The following APBA2 variants were observed in gnomAD, a reference collection of about 807,000 sequenced individuals.
APBA2 encodes the protein amyloid-beta A4 precursor protein-binding family A member 2.
In APBA2, 30 loss-of-function variants were observed where a neutral mutation model predicts 75.0. The ratio of observed to expected loss-of-function variants is 0.40; its 90% CI spans 0.30 to 0.54. APBA2 has a LOEUF of 0.54. Among genes scored for constraint, APBA2 ranks in the 20% least tolerant of loss-of-function variants. The probability of loss-of-function intolerance (pLI) is 0.49; values close to 1 mark genes in which losing one functional copy is unlikely to be tolerated. For synonymous variants in APBA2, 444 were observed against 409.6 expected (o/e 1.08, Z -1.01); for missense variants, 801 against 1,016.1 (o/e 0.79, Z 2.88).
At chr15:29,062,193 C>T (rs1315910997) in intron 4 of APBA2, among the ~76,000 whole-genome samples, 1 of 152,148 alleles carries the variant, frequency 6.6e-6, no homozygotes, top group African/African-American at 2.4e-5. Context: ...AGCCATGCCT[C>T]AGATTCTAGT....
chr15:28,902,082 G>C (rs1023090970), intron 1 of APBA2, among the ~76,000 whole-genome samples: 14 of 152,098 alleles, frequency 9.2e-5, no homozygotes, highest in African/African-American at 2.7e-4. Flanking sequence ...GAAGGTAAAG[G>C]GGGGTGCATT....
Position 28,991,214 on chromosome 15 carries a change from G to A in APBA2, c.-94-4539G>A, listed in dbSNP as rs563115747. Among the ~76,000 whole-genome samples, 11 of 152,282 alleles carry A rather than the reference G, an allele frequency of 7.2e-5. No individual in the cohort carries two copies. Among genetic ancestry groups the A allele is most frequent in the Non-Finnish European group, 1.5e-4 (10 of 68,020 alleles). The stretch of plus-strand genomic sequence containing the variant: ...GCACCATCTCTGTGTGTCCCATCAG[G>A]AAGCAACAGACAACTCCCTAAGCCC... On this transcript the variant is annotated intron_variant, in intron 2 of 14. Coordinates refer to ENST00000683413, the MANE Select transcript of APBA2 (RefSeq NM_001353788.2). This position sits in a 1 kb window ranked among gnomAD's most constrained non-coding sequence, Gnocchi z 4.7.
At chr15:28,901,157 G>C (rs2032826915) in intron 1 of APBA2, among the ~76,000 whole-genome samples, 1 of 152,228 alleles carries the variant, frequency 6.6e-6, no homozygotes, top group Admixed American at 6.5e-5. Context: ...AAGATTTTGT[G>C]TCTTCAGCCA....
chr15:29,036,834 A>G (rs2040777503), intron 3 of APBA2, among the ~76,000 whole-genome samples: 1 of 152,132 alleles, frequency 6.6e-6, no homozygotes, highest in South Asian at 2.1e-4. Context: ...AGCCCGGGCA[A>G]CATGGTGAGA....
At chr15:29,110,579 C>T (rs140032032) in intron 13 of APBA2, among the ~76,000 whole-genome samples, 3 of 152,286 alleles carry the variant, frequency 2.0e-5, no homozygotes, top group Non-Finnish European at 4.4e-5. Flanking sequence ...GAGTTTGATG[C>T]CCCCTCAGTC....
At chr15:29,097,550 A>G (rs752752499) in intron 8 of APBA2, among the ~76,000 whole-genome samples, 22 of 152,234 alleles carry the variant, frequency 1.4e-4, no homozygotes, top group Non-Finnish European at 1.5e-5. Flanking sequence ...ACATTGACGG[A>G]TAAAATTGTA....
At chr15:28,889,995 C>G (rs1432989549) in intron 1 of APBA2, among the ~76,000 whole-genome samples, 1 of 152,220 alleles carries the variant, frequency 6.6e-6, no homozygotes, top group Admixed American at 6.5e-5. Context: ...AGAAAAGTGC[C>G]TGGCACACAG....
intron 2 of APBA2, among the ~76,000 whole-genome samples, chr15:28,933,228 G>C (rs763000908): frequency 7.2e-5 from 11 of 152,052 alleles, no homozygotes; most frequent in South Asian, 4.1e-4. Context: ...ATGAACTTTG[G>C]GGGGGCACAT....
chr15:29,050,338 A>G (rs770617445), intron 3 of APBA2, among the ~76,000 whole-genome samples: 5 of 152,244 alleles, frequency 3.3e-5, no homozygotes, highest in Admixed American at 2.0e-4. Context: ...GTTACCTCCT[A>G]AGTAAACAAA....
chr15:28,929,193 T>C (rs1157345405), intron 2 of APBA2, among the ~76,000 whole-genome samples: 1 of 152,196 alleles, frequency 6.6e-6, no homozygotes, highest in Non-Finnish European at 1.5e-5. Flanking sequence ...GTTTACTCAG[T>C]TGTCATCTGT....
intron 13 of APBA2, among the ~76,000 whole-genome samples, chr15:29,112,102 T>C (rs73370297): frequency 0.034 from 5,121 of 152,242 alleles, 316 homozygotes; most frequent in African/African-American, 0.12. Flanking sequence ...TGTCCTCCCG[T>C]CCTTGCCAGG....
intron 8 of APBA2, among the ~76,000 whole-genome samples, chr15:29,098,279 G>A (rs2043947553): frequency 1.3e-5 from 2 of 152,112 alleles, no homozygotes; most frequent in African/African-American, 4.8e-5. Context: ...GTGTACCAGG[G>A]TTCCCTTTTC....
intron 2 of APBA2, among the ~76,000 whole-genome samples, chr15:28,950,819 T>G (rs2035827056): frequency 6.6e-6 from 1 of 152,214 alleles, no homozygotes; most frequent in South Asian, 2.1e-4. Flanking sequence ...CTCCCCCATT[T>G]ATTTATTCAA....
chr15:29,073,923 T>C, intron 4 of APBA2, among the ~76,000 whole-genome samples: 1 of 152,220 alleles, frequency 6.6e-6, no homozygotes. Context: ...AGAAGACTTA[T>C]GACATGTACT....
At chr15:28,908,349 C>T (rs1441468556) in intron 1 of APBA2, among the ~76,000 whole-genome samples, 13 of 138,070 alleles carry the variant, frequency 9.4e-5, no homozygotes, top group African/African-American at 3.4e-4. Context: ...CTTGCTCTGT[C>T]GCCCAGGCTG....
intron 2 of APBA2, among the ~76,000 whole-genome samples, chr15:28,932,829 G>A (rs1484345723): frequency 6.6e-6 from 1 of 152,156 alleles, no homozygotes; most frequent in Non-Finnish European, 1.5e-5. Context: ...GGAGACATTG[G>A]AATTCACATT....
intron 2 of APBA2, among the ~76,000 whole-genome samples, chr15:28,967,950 A>G (rs1248646851): frequency 6.6e-6 from 1 of 152,146 alleles, no homozygotes; most frequent in Non-Finnish European, 1.5e-5. Context: ...GTAATTGTCC[A>G]TTCCCCTCTT....
chr15:28,987,729 G>GATATATATATATAT (rs146348050), intron 2 of APBA2, among the ~76,000 whole-genome samples: 1 of 106,276 alleles, frequency 9.4e-6, no homozygotes, highest in Admixed American at 1.0e-4. Context: ...TGTGGAGAGA[G>GATATATATATATAT]ATATATATAT....
Position 29,102,745 on chromosome 15 carries a change from G to A in APBA2, c.1524+961G>A, listed in dbSNP as rs1336562013. ...TTGCACTCCAGCCTGGGTGACAAGA[G>A]TGAAACTCCGTCTCAAAAAAAAAAA... On this transcript the variant is annotated intron_variant, in intron 10 of 14. Transcript: ENST00000683413. The A allele has an allele frequency of 2.3e-5, 3 of 131,204 alleles. No homozygotes were observed. In the East Asian group the frequency reaches 7.3e-4, roughly 32 times the overall value. The allele number at this position is 131,204 out of a possible 1,614,324, so 8.1% of individuals were successfully genotyped here. A position where few individuals can be genotyped will look rare whatever the true frequency, so the allele number is the denominator to read the frequency against.
Sources: gnomAD v4.1 joint callset for allele counts (sites outside exome capture counted in the v4.1 genomes callset) on GRCh38, gnomAD v4.1.1 for gene constraint, Gnocchi (gnomAD v3.1) non-coding constraint, MANE v1.5 for transcripts, NCBI Gene and HGNC (gene_info 2026-07-23, HGNC 2026-07-21) for gene names.